SPOCK3: variants seen among roughly 807,000 people sequenced by gnomAD.
SPOCK3 encodes testican-3.
A neutral mutation model predicts 56.6 loss-of-function variants in SPOCK3; 30 were observed. That is an observed-to-expected ratio of 0.53 (90% CI 0.40 to 0.72). The LOEUF (loss-of-function observed/expected upper bound fraction) is 0.72. Ranked by LOEUF, SPOCK3 falls within the 30% of genes least tolerant of loss-of-function variation. The probability of loss-of-function intolerance (pLI) is 0.00; values close to 1 mark genes in which losing one functional copy is unlikely to be tolerated. For synonymous variants in SPOCK3, 196 were observed against 183.3 expected (o/e 1.07, Z -0.56); for missense variants, 527 against 530.0 (o/e 0.99, Z 0.06).
chr4:166,783,669 T>C (rs1579214526), intron 7 of SPOCK3, among the ~76,000 whole-genome samples: 1 of 152,146 alleles, frequency 6.6e-6, no homozygotes, highest in African/African-American at 2.4e-5. Flanking sequence ...TAGCATATGG[T>C]TCAAGGACTG....
intron 4 of SPOCK3, among the ~76,000 whole-genome samples, chr4:166,942,822 T>C (rs959107362): frequency 6.6e-5 from 10 of 152,204 alleles, no homozygotes; most frequent in African/African-American, 2.4e-4. Flanking sequence ...TTATAAAAAG[T>C]CTATTAAGCA....
intron 3 of SPOCK3, among the ~76,000 whole-genome samples, chr4:167,025,324 C>T (rs2150170089): frequency 6.6e-6 from 1 of 151,896 alleles, no homozygotes; most frequent in South Asian, 2.1e-4. Flanking sequence ...CCTACCAAAA[C>T]TATCCATCAA....
At chr4:166,794,283 T>A (rs1340139390) in intron 6 of SPOCK3, among the ~76,000 whole-genome samples, 1 of 151,332 alleles carries the variant, frequency 6.6e-6, no homozygotes, top group Non-Finnish European at 1.5e-5. Context: ...CTGTCTCTGT[T>A]TAAGCCATCT....
intron 6 of SPOCK3, among the ~76,000 whole-genome samples, chr4:166,861,332 CTCTT>C (rs1731228802): frequency 6.6e-6 from 1 of 152,086 alleles, no homozygotes; most frequent in Admixed American, 6.6e-5. Context: ...CTCTCTCTCT[CTCTT>C]TTTTTCTCTC....
rs562873173 is a variant in SPOCK3 at position 167,068,672 on chromosome 4, T to A, written c.190-6135A>T. 2.0e-5 allele frequency among the ~76,000 whole-genome samples: 3 copies of A among 151,870 alleles called. No individual in the cohort carries two copies. The South Asian group carries it at 6.2e-4, about 31-fold the overall frequency. ...TGCATATAAATTATGACCTTATTAA[T>A]CTTCCAGTGTCATATCAGACTTATG... On this transcript the variant is annotated intron_variant, in intron 2 of 10. Coordinates refer to ENST00000357545, the MANE Select transcript of SPOCK3 (RefSeq NM_001040159.2).
intron 2 of SPOCK3, among the ~76,000 whole-genome samples, chr4:167,074,111 G>A (rs1231445516): frequency 1.3e-5 from 2 of 151,294 alleles, no homozygotes; most frequent in Non-Finnish European, 2.9e-5. Flanking sequence ...ATAATAATCA[G>A]TAAAGGGTTA....
intron 6 of SPOCK3, among the ~76,000 whole-genome samples, chr4:166,846,356 G>A (rs1748063096): frequency 6.6e-6 from 1 of 151,976 alleles, no homozygotes; most frequent in South Asian, 2.1e-4. Flanking sequence ...AAAAATACAT[G>A]ATATAAATGT....
chr4:166,973,207 G>T (rs1745581137), intron 4 of SPOCK3, among the ~76,000 whole-genome samples: 1 of 151,946 alleles, frequency 6.6e-6, no homozygotes, highest in Non-Finnish European at 1.5e-5. Flanking sequence ...CCACTGCCTT[G>T]GGAAGAAGGT....
intron 7 of SPOCK3, among the ~76,000 whole-genome samples, chr4:166,775,069 C>G (rs1011139725): frequency 6.6e-6 from 1 of 151,952 alleles, no homozygotes; most frequent in Non-Finnish European, 1.5e-5. Flanking sequence ...ATTATTTGAG[C>G]AGAAATATAA....
At chr4:166,993,380 T>G (rs1208216806) in intron 4 of SPOCK3, among the ~76,000 whole-genome samples, 1 of 152,160 alleles carries the variant, frequency 6.6e-6, no homozygotes, top group Non-Finnish European at 1.5e-5. Flanking sequence ...TCTCTGGTCA[T>G]GGGGACATAG....
At chr4:166,944,344 C>A (rs112663206) in intron 4 of SPOCK3, among the ~76,000 whole-genome samples, 1 of 152,044 alleles carries the variant, frequency 6.6e-6, no homozygotes, top group Non-Finnish European at 1.5e-5. Context: ...TCCATAACAA[C>A]AATGCAACCA....
chr4:166,805,413 T>C (rs1229594488), intron 6 of SPOCK3, among the ~76,000 whole-genome samples: 4 of 152,096 alleles, frequency 2.6e-5, no homozygotes, highest in African/African-American at 9.7e-5. Flanking sequence ...GGTAATTTAA[T>C]GGTCACATAT....
At chr4:167,108,934 T>C (rs1161840111) in intron 2 of SPOCK3, among the ~76,000 whole-genome samples, 1 of 124,832 alleles carries the variant, frequency 8.0e-6, no homozygotes, top group African/African-American at 3.2e-5. Flanking sequence ...ATATATATAT[T>C]TTATATTTAT....
intron 2 of SPOCK3, among the ~76,000 whole-genome samples, chr4:167,137,197 CT>C (rs150455845): frequency 6.6e-6 from 1 of 152,082 alleles, no homozygotes; most frequent in African/African-American, 2.4e-5. Context: ...ATTGCATCAC[CT>C]CTGAAATATC....
intron 7 of SPOCK3, among the ~76,000 whole-genome samples, chr4:166,781,869 A>C (rs2126618287): frequency 6.6e-6 from 1 of 152,344 alleles, no homozygotes; most frequent in Non-Finnish European, 1.5e-5. Flanking sequence ...CAGGGGTAAC[A>C]TGCTGAAACA....
intron 6 of SPOCK3, among the ~76,000 whole-genome samples, chr4:166,879,516 G>T (rs1222969176): frequency 6.6e-6 from 1 of 152,120 alleles, no homozygotes; most frequent in South Asian, 2.1e-4. Flanking sequence ...AAAAAAAAGT[G>T]TAAGATTTAA....
intron 5 of SPOCK3, among the ~76,000 whole-genome samples, chr4:166,908,445 T>C (rs778716526): frequency 6.7e-6 from 1 of 148,442 alleles, no homozygotes; most frequent in African/African-American, 2.5e-5. Context: ...CCAAATCAAT[T>C]TAAGTAGCAT....
At chr4:167,046,070 G>A (rs1027349655) in intron 3 of SPOCK3, among the ~76,000 whole-genome samples, 1 of 151,854 alleles carries the variant, frequency 6.6e-6, no homozygotes, top group Admixed American at 6.6e-5. Flanking sequence ...AATTTAACAG[G>A]GTACATCAGG....
intron 6 of SPOCK3, among the ~76,000 whole-genome samples, chr4:166,856,037 C>T (rs904161842): frequency 6.6e-6 from 1 of 151,814 alleles, no homozygotes; most frequent in Non-Finnish European, 1.5e-5. Context: ...ATGGCAGGTA[C>T]AGCAAGATAA....
Sources: allele counts gnomAD v4.1 joint callset (sites outside exome capture counted in the v4.1 genomes callset), GRCh38; gene constraint gnomAD v4.1.1; transcripts MANE v1.5; gene names NCBI Gene and HGNC (gene_info 2026-07-23, HGNC 2026-07-21).